The following SMARCAD1 variants were observed in gnomAD, a reference collection of about 807,000 sequenced individuals.
SMARCAD1 encodes SWI/SNF-related matrix-associated actin-dependent regulator of chromatin subfamily A containing DEAD/H box 1.
SMARCAD1 carries 25 observed loss-of-function variants against 127.1 expected under a neutral mutation model. The observed-to-expected ratio is 0.20, with a 90% CI of 0.14 to 0.27. The LOEUF (loss-of-function observed/expected upper bound fraction) is 0.27, where lower values mean the gene tolerates loss of function less well. Ranked by LOEUF, SMARCAD1 falls within the 10% of genes least tolerant of loss-of-function variation. The probability of loss-of-function intolerance (pLI) is 1.00; values close to 1 mark genes in which losing one functional copy is unlikely to be tolerated. For synonymous variants in SMARCAD1, 400 were observed against 396.9 expected (o/e 1.01, Z -0.09); for missense variants, 807 against 1,206.0 (o/e 0.67, Z 4.90).
At chr4:94,245,356 G>A (rs1022807307) in intron 6 of SMARCAD1, among the ~76,000 whole-genome samples, 31 of 152,170 alleles carry the variant, frequency 2.0e-4, no homozygotes, top group Admixed American at 2.6e-4. Flanking sequence ...ATGATCAGAT[G>A]TTTTAAATGC....
chr4:94,240,045 G>A (rs760450553), intron 5 of SMARCAD1, among the ~76,000 whole-genome samples: 8 of 152,026 alleles, frequency 5.3e-5, no homozygotes, highest in Non-Finnish European at 1.0e-4. Flanking sequence ...TTTTTATTTT[G>A]TAATAGCCAT....
intron 11 of SMARCAD1, among the ~76,000 whole-genome samples, 157 bp downstream of exon 11, chr4:94,270,975 G>T (rs529024774): frequency 6.6e-6 from 1 of 152,040 alleles, no homozygotes; most frequent in Non-Finnish European, 1.5e-5. Flanking sequence ...GATAGAGTTA[G>T]TTCTACCCTC....
intron 3 of SMARCAD1, among the ~76,000 whole-genome samples, chr4:94,231,016 G>T (rs1385559333): frequency 6.6e-6 from 1 of 152,152 alleles, no homozygotes; most frequent in Non-Finnish European, 1.5e-5. Context: ...ATTCCATTCA[G>T]CAGTTTAAAA....
chr4:94,277,026 A>G lies in SMARCAD1; in HGVS notation c.1949A>G (p.Asn650Ser). ...RYQHLMTINANNRLLLTGTPV... is the reference protein window; with the variant it reads ...RYQHLMTINASNRLLLTGTPV... ...AAATTTTACCTTCATTCACAGGCAA[A>G]TAACCGTTTGCTGCTCACAGGCACA... Residue 650 changes from asparagine to serine, a missense_variant, in exon 16 of 24, where the codon AAT becomes AGT. Coordinates refer to ENST00000354268, the MANE Select transcript of SMARCAD1 (RefSeq NM_020159.5). The G allele has an allele frequency of 3.1e-6, 5 of 1,614,052 alleles. No homozygotes were observed. Among genetic ancestry groups the G allele is most frequent in the Non-Finnish European group, 3.4e-6 (4 of 1,179,964 alleles).
chr4:94,285,368 A>C (rs1043258222), intron 23 of SMARCAD1, among the ~76,000 whole-genome samples: 2 of 152,208 alleles, frequency 1.3e-5, no homozygotes, highest in African/African-American at 4.8e-5. Flanking sequence ...AATAGAGGTG[A>C]CAAGTGTTAG....
chr4:94,243,025 C>T (rs1747837144), intron 6 of SMARCAD1, among the ~76,000 whole-genome samples: 1 of 152,170 alleles, frequency 6.6e-6, no homozygotes. Context: ...CAGGCATGAT[C>T]TCGGCTCACT....
intron 21 of SMARCAD1, 147 bp downstream of exon 21, chr4:94,281,737 A>G (rs1027315564): frequency 3.8e-5 from 25 of 652,830 alleles, no homozygotes; most frequent in Admixed American, 2.1e-4. Flanking sequence ...AGTAATTTCA[A>G]TGGTCAGGCA....
At position 94,237,012 on chromosome 4, in the gene SMARCAD1, G is replaced by C; in HGVS notation, c.598G>C (p.Asp200His). The C allele has an allele frequency of 6.2e-7, 1 of 1,613,182 alleles. No homozygotes were observed. The highest frequency in any genetic ancestry group is 8.5e-7 in the Non-Finnish European group (1 of 1,179,490). ...TGCTGCTGCCTTGCTGATGTTTGGT[G>C]ATGCAGGTATGCTTGACTTAATTTT... ...AIAAALLMFG[D>H]AGGGPRKRKL... The change falls in exon 5 of 24, where the codon GAT becomes CAT. Residue 200 changes from aspartate (D) to histidine (H), a missense_variant. By Grantham distance (81) the Asp-to-His change is moderately conservative. Transcript: ENST00000354268.
chr4:94,275,943 G>A (rs555209721), intron 14 of SMARCAD1, among the ~76,000 whole-genome samples: 21 of 151,490 alleles, frequency 1.4e-4, no homozygotes, highest in South Asian at 1.0e-3. Flanking sequence ...GACTACAGGC[G>A]CCCACCACCA....
chr4:94,283,496 A>G (rs968467620), intron 22 of SMARCAD1, among the ~76,000 whole-genome samples, 193 bp downstream of exon 22: 34 of 152,138 alleles, frequency 2.2e-4, no homozygotes, highest in African/African-American at 8.2e-4. Flanking sequence ...GTAATTATCC[A>G]CCCACATTCC....
intron 3 of SMARCAD1, among the ~76,000 whole-genome samples, chr4:94,228,835 A>G (rs1423424333): frequency 6.6e-6 from 1 of 152,130 alleles, no homozygotes; most frequent in East Asian, 1.9e-4. Context: ...AACTCATTTA[A>G]TCTGAAACTA....
In SMARCAD1 at chr4:94,284,933, A is replaced by G. The variant is rs542802898; in HGVS notation, c.2910-27A>G. The G allele has an allele frequency of 1.7e-5, 22 of 1,303,698 alleles. No homozygotes were observed. The African/African-American group carries it at 1.9e-4, about 11-fold the overall frequency. 80.8% of individuals were successfully genotyped at this position (1,303,698 alleles called of 1,614,324 possible). On this transcript the variant is annotated intron_variant, in intron 22 of 23. Coordinates refer to ENST00000354268, the MANE Select transcript of SMARCAD1 (RefSeq NM_020159.5). The stretch of plus-strand genomic sequence containing the variant: ...TCCAAATAACTATATTTAGTAACCA[A>G]TGGACATATTTTGTATTTTTTTTTA...
chr4:94,265,806 T>C (rs115302712), intron 10 of SMARCAD1, among the ~76,000 whole-genome samples: 1,593 of 152,114 alleles, frequency 0.01, 25 homozygotes, highest in African/African-American at 0.036. Flanking sequence ...TATCCATACT[T>C]TGCAATGTTA....
intron 5 of SMARCAD1, among the ~76,000 whole-genome samples, chr4:94,238,002 A>G (rs1746962940): frequency 6.6e-6 from 1 of 151,994 alleles, no homozygotes; most frequent in South Asian, 2.1e-4. Flanking sequence ...CTGAATGCTC[A>G]TTTTTCTAAG....
At chr4:94,289,339 G>C in intron 23 of SMARCAD1, 134 bp from the exon 24 acceptor site, 1 of 735,298 alleles carries the variant, frequency 1.4e-6, no homozygotes, top group Non-Finnish European at 2.4e-6. Context: ...TTTTTAACAG[G>C]GGTGAGTGAC....
chr4:94,251,589 G>A (rs910319225), intron 8 of SMARCAD1, among the ~76,000 whole-genome samples: 18 of 152,128 alleles, frequency 1.2e-4, no homozygotes, highest in Non-Finnish European at 1.6e-4. Context: ...AAACATTTGA[G>A]GAATACTTTA....
At chr4:94,246,900 A>G (rs1037871244) in intron 6 of SMARCAD1, among the ~76,000 whole-genome samples, 6 of 152,190 alleles carry the variant, frequency 3.9e-5, no homozygotes, top group African/African-American at 1.2e-4. Flanking sequence ...AAGGGGAAAA[A>G]GCAAGTACTT....
chr4:94,281,409 T>C, intron 20 of SMARCAD1, 63 bp from the exon 21 acceptor site: 1 of 1,092,390 alleles, frequency 9.2e-7, no homozygotes, highest in Non-Finnish European at 1.4e-6. Flanking sequence ...TGTTTAAACC[T>C]GTCAAGGCTT....
At position 94,280,638 on chromosome 4, in the gene SMARCAD1, T is replaced by C; in HGVS notation, c.2465T>C (p.Met822Thr). The stretch of plus-strand genomic sequence containing the variant: ...AACCCTGACCTGATCTTTGAAGATA[T>C]GGAAGTTATGACAGACTTCGAACTA... The part of the protein sequence containing the change: ...EANPDLIFED[M>T]EVMTDFELHV... Residue 822 changes from methionine (M) to threonine (T), a missense_variant, in exon 20 of 24, where the codon ATG becomes ACG. Coordinates refer to ENST00000354268, the MANE Select transcript of SMARCAD1 (RefSeq NM_020159.5). 1 of 1,613,858 alleles carries C rather than the reference T, an allele frequency of 6.2e-7. No individual in the cohort carries two copies. Among genetic ancestry groups the C allele is most frequent in the Non-Finnish European group, 8.5e-7 (1 of 1,179,894 alleles).
Sources: allele counts gnomAD v4.1 joint callset (sites outside exome capture counted in the v4.1 genomes callset), GRCh38; gene constraint gnomAD v4.1.1; transcripts MANE v1.5; gene names NCBI Gene and HGNC (gene_info 2026-07-23, HGNC 2026-07-21).